The following TMEM232 variants were observed in gnomAD, a reference collection of about 807,000 sequenced individuals.
The protein encoded by TMEM232 is transmembrane protein 232.
TMEM232 carries 80 observed loss-of-function variants against 78.8 expected under a neutral mutation model. The observed-to-expected ratio is 1.01, with a 90% CI of 0.85 to 1.22. The LOEUF is 1.22. Among genes scored for constraint, TMEM232 ranks in the 50% most tolerant of loss-of-function variants. TMEM232 has a pLI of 0.00. For missense variants in TMEM232, 881 were observed against 742.2 expected (o/e 1.19, Z -2.17); for synonymous variants, 297 against 254.3 (o/e 1.17, Z -1.60).
intron 13 of TMEM232, among the ~76,000 whole-genome samples, chr5:110,422,226 C>T (rs1034692891): frequency 6.6e-6 from 1 of 152,030 alleles, no homozygotes; most frequent in South Asian, 2.1e-4. Flanking sequence ...TTCGATAGAT[C>T]TCATTATTTT....
chr5:110,665,079 C>T (rs192898266), intron 2 of TMEM232, among the ~76,000 whole-genome samples: 3 of 152,262 alleles, frequency 2.0e-5, no homozygotes, highest in Middle Eastern at 3.4e-3. Flanking sequence ...CACTCACATT[C>T]AGCCCATAAC....
intron 1 of TMEM232, among the ~76,000 whole-genome samples, chr5:110,709,919 T>C (rs955355103): frequency 2.6e-5 from 4 of 151,524 alleles, no homozygotes; most frequent in Admixed American, 1.3e-4. Context: ...ATCTAAAGAT[T>C]ACAGCAAAAA....
At position 110,545,057 on chromosome 5, in the gene TMEM232, C is replaced by T. The variant is rs1581161237; in HGVS notation, c.1456-16222G>A. Among the ~76,000 whole-genome samples, 5 of 152,202 alleles carry T rather than the reference C, an allele frequency of 3.3e-5. No individual in the cohort carries two copies. In the South Asian group the frequency reaches 1.0e-3, roughly 32 times the overall value. On this transcript the variant is annotated intron_variant, in intron 11 of 13. Transcript: ENST00000455884. The stretch of plus-strand genomic sequence containing the variant: ...GAAGTGGAATGATGAAAATATTTTG[C>T]TTCACAAGGTTATGGTAAAGATTAA...
chr5:110,599,278 C>A (rs1326287060), intron 10 of TMEM232, among the ~76,000 whole-genome samples: 3 of 152,016 alleles, frequency 2.0e-5, no homozygotes, highest in Non-Finnish European at 2.9e-5. Context: ...TGCAAAATAA[C>A]CAGCTAGCAT....
chr5:110,660,741 T>C (rs1186723739), intron 2 of TMEM232, among the ~76,000 whole-genome samples: 1 of 152,194 alleles, frequency 6.6e-6, no homozygotes, highest in African/African-American at 2.4e-5. Context: ...GGGATACATG[T>C]GATATTTTGA....
intron 2 of TMEM232, among the ~76,000 whole-genome samples, chr5:110,654,092 T>C (rs1422492): frequency 0.97 from 148,289 of 152,240 alleles, 72,309 homozygotes; most frequent in Non-Finnish European, 1. Flanking sequence ...ATATATAATA[T>C]GGGGTGCAAA....
At chr5:110,605,078 T>C in intron 10 of TMEM232, 31 bp downstream of exon 10, 2 of 1,494,024 alleles carry the variant, frequency 1.3e-6, no homozygotes, top group Non-Finnish European at 1.8e-6. Flanking sequence ...TTAAAAATAT[T>C]ACTCATCAAA....
At chr5:110,553,461 CTTTTCATTT>C (rs1774703350) in intron 11 of TMEM232, among the ~76,000 whole-genome samples, 1 of 151,906 alleles carries the variant, frequency 6.6e-6, no homozygotes, top group Non-Finnish European at 1.5e-5. Context: ...AGCTGCATTC[CTTTTCATTT>C]TATTCTTTTT....
intron 2 of TMEM232, among the ~76,000 whole-genome samples, chr5:110,398,514 A>G (rs1316844325): frequency 6.6e-6 from 1 of 152,148 alleles, no homozygotes; most frequent in Non-Finnish European, 1.5e-5. Flanking sequence ...ACTTCTTGCC[A>G]TGGACAGATC....
intron 12 of TMEM232, among the ~76,000 whole-genome samples, chr5:110,501,008 T>A (rs1018979158): frequency 7.9e-5 from 12 of 152,248 alleles, no homozygotes; most frequent in African/African-American, 2.9e-4. Context: ...TTGCAAAATC[T>A]TCTTCACTTT....
chr5:110,656,645 C>A (rs1360390915), intron 2 of TMEM232, among the ~76,000 whole-genome samples: 1 of 152,058 alleles, frequency 6.6e-6, no homozygotes, highest in Non-Finnish European at 1.5e-5. Flanking sequence ...CGAGACCATC[C>A]TGGCTAACAA....
chr5:110,641,961 A>G (rs535193293), intron 3 of TMEM232, among the ~76,000 whole-genome samples: 152 of 152,160 alleles, frequency 1.0e-3, no homozygotes, highest in Non-Finnish European at 1.8e-3. Flanking sequence ...TTTGAGACAC[A>G]GCATATCTCA....
downstream of TMEM232, chr5:110,418,325 T>A (rs1402082485): frequency 6.6e-6 from 1 of 152,094 alleles, no homozygotes; most frequent in Non-Finnish European, 1.5e-5. Flanking sequence ...AAAAACGGGT[T>A]CAGTAACTTG....
intron 13 of TMEM232, among the ~76,000 whole-genome samples, chr5:110,421,277 T>TTTTC (rs1262861677): frequency 6.6e-6 from 1 of 152,000 alleles, no homozygotes; most frequent in Admixed American, 6.5e-5. Flanking sequence ...ATGATAATTT[T>TTTTC]TTTCTTTTTC....
At chr5:110,640,839 C>T (rs1786581256) in intron 4 of TMEM232, 52 bp downstream of exon 4, 1 of 1,298,794 alleles carries the variant, frequency 7.7e-7, no homozygotes, top group Non-Finnish European at 1.0e-6. Context: ...TATGCCTTCA[C>T]TGATGATATA....
intron 8 of TMEM232, among the ~76,000 whole-genome samples, chr5:110,611,412 T>C (rs565607110): frequency 7.9e-5 from 12 of 152,216 alleles, no homozygotes; most frequent in African/African-American, 2.9e-4. Context: ...ACTTCATTCT[T>C]TGAGTTCCAG....
chr5:110,734,387 C>T (rs903582795), intron 2 of TMEM232, among the ~76,000 whole-genome samples: 1 of 152,186 alleles, frequency 6.6e-6, no homozygotes, highest in Admixed American at 6.5e-5. Flanking sequence ...CTGTTTGGGT[C>T]ACACCTGCTA....
intron 2 of TMEM232, among the ~76,000 whole-genome samples, chr5:110,411,224 T>C (rs945527828): frequency 6.6e-6 from 1 of 152,138 alleles, no homozygotes; most frequent in Non-Finnish European, 1.5e-5. Flanking sequence ...TGGATGTTTA[T>C]GTCAGTATAT....
intron 10 of TMEM232, among the ~76,000 whole-genome samples, chr5:110,582,224 G>C (rs1159707002): frequency 6.6e-6 from 1 of 151,820 alleles, no homozygotes; most frequent in Non-Finnish European, 1.5e-5. Flanking sequence ...ATTCATTGTA[G>C]CACTATCCAT....
Sources: gnomAD v4.1 joint callset for allele counts (sites outside exome capture counted in the v4.1 genomes callset) on GRCh38, gnomAD v4.1.1 for gene constraint, MANE v1.5 for transcripts, NCBI Gene and HGNC (gene_info 2026-07-23, HGNC 2026-07-21) for gene names.